Variants in SDK1 observed in about 807,000 individuals in gnomAD.
The protein encoded by SDK1 is protein sidekick-1.
In SDK1, 157 loss-of-function variants were observed where a neutral mutation model predicts 245.5. That is an observed-to-expected ratio of 0.64 (90% CI 0.56 to 0.73). The LOEUF (loss-of-function observed/expected upper bound fraction) is 0.73. Among genes scored for constraint, SDK1 ranks in the 30% least tolerant of loss-of-function variants. The pLI is 0.00. For synonymous variants in SDK1, 1,647 were observed against 1,278.5 expected (o/e 1.29, Z -6.15); for missense variants, 3,583 against 3,002.3 (o/e 1.19, Z -4.52).
chr7:4,237,563 C>T (rs1302102661), intron 41 of SDK1, 84 bp from the exon 42 acceptor site: 22 of 1,529,296 alleles, frequency 1.4e-5, no homozygotes, highest in Non-Finnish European at 1.5e-5. Flanking sequence ...CCCCAGCCTT[C>T]CCTGCCAACC....
chr7:3,463,631 GT>G (rs1780900757), intron 1 of SDK1, among the ~76,000 whole-genome samples: 2 of 152,204 alleles, frequency 1.3e-5, no homozygotes, highest in East Asian at 3.9e-4. Flanking sequence ...AAGTAGGTGA[GT>G]TTTCTGTGCC....
chr7:3,371,508 G>T (rs1285602612), intron 1 of SDK1, among the ~76,000 whole-genome samples: 1 of 152,074 alleles, frequency 6.6e-6, no homozygotes, highest in Non-Finnish European at 1.5e-5. Flanking sequence ...CCCTAAGGGG[G>T]AAAAGACTGA....
chr7:3,611,724 T>G (rs1781597921), intron 1 of SDK1, among the ~76,000 whole-genome samples: 1 of 152,126 alleles, frequency 6.6e-6, no homozygotes, highest in Non-Finnish European at 1.5e-5. Flanking sequence ...TTTTTGATTT[T>G]TGAAAAATTA....
intron 5 of SDK1, among the ~76,000 whole-genome samples, chr7:3,827,565 A>G (rs151226040): frequency 3.3e-5 from 5 of 152,380 alleles, no homozygotes; most frequent in Non-Finnish European, 5.9e-5. Flanking sequence ...TGCTGTCTAC[A>G]AAACGAGGTG....
At chr7:4,122,095 G>C (rs1477871517) in intron 25 of SDK1, among the ~76,000 whole-genome samples, 1 of 152,034 alleles carries the variant, frequency 6.6e-6, no homozygotes, top group Non-Finnish European at 1.5e-5. Flanking sequence ...CTACCACCTG[G>C]GGAATCTCAG....
intron 43 of SDK1, among the ~76,000 whole-genome samples, chr7:4,242,246 A>G (rs1181820439): frequency 6.6e-6 from 1 of 152,180 alleles, no homozygotes; most frequent in Non-Finnish European, 1.5e-5. Flanking sequence ...TTCCTAGTTC[A>G]TGGAGGTGTC....
At chr7:3,516,880 T>G (rs946376642) in intron 1 of SDK1, among the ~76,000 whole-genome samples, 1 of 152,148 alleles carries the variant, frequency 6.6e-6, no homozygotes, top group African/African-American at 2.4e-5. Flanking sequence ...TTTGGGGACA[T>G]GAAAAAGTGC....
intron 17 of SDK1, among the ~76,000 whole-genome samples, chr7:4,023,948 A>G (rs1012018600): frequency 3.9e-5 from 6 of 152,214 alleles, no homozygotes; most frequent in African/African-American, 7.2e-5. Context: ...AACTCCTTCT[A>G]TACATTTTTT....
intron 5 of SDK1, among the ~76,000 whole-genome samples, chr7:3,899,219 T>A (rs1385804064): frequency 6.6e-6 from 1 of 152,214 alleles, no homozygotes; most frequent in Admixed American, 6.5e-5. Context: ...CTTCTTAATA[T>A]ATGAGTATGT....
chr7:4,206,302 C>G (rs927445163), intron 36 of SDK1, among the ~76,000 whole-genome samples: 2 of 152,206 alleles, frequency 1.3e-5, no homozygotes, highest in African/African-American at 2.4e-5. Context: ...GCTGGGGAAC[C>G]CTTCCGTTTC....
intron 22 of SDK1, among the ~76,000 whole-genome samples, chr7:4,102,332 C>T (rs1782610296): frequency 6.6e-6 from 1 of 152,124 alleles, no homozygotes; most frequent in South Asian, 2.1e-4. Flanking sequence ...CCGTCAGAAG[C>T]AGGGGTACTC....
chr7:3,930,759 C>T (rs1779948526), intron 5 of SDK1, among the ~76,000 whole-genome samples: 1 of 152,110 alleles, frequency 6.6e-6, no homozygotes. Context: ...CACCACTTCA[C>T]TCCAGCCTGG....
chr7:3,427,418 C>G (rs1005309088), intron 1 of SDK1, among the ~76,000 whole-genome samples: 18 of 150,682 alleles, frequency 1.2e-4, no homozygotes, highest in Non-Finnish European at 1.9e-4. Flanking sequence ...ACTTGGGAGG[C>G]TGGAGCAGGA....
At chr7:3,530,216 A>G (rs1783296573) in intron 1 of SDK1, among the ~76,000 whole-genome samples, 1 of 152,198 alleles carries the variant, frequency 6.6e-6, no homozygotes, top group African/African-American at 2.4e-5. Flanking sequence ...TAAAGATACA[A>G]TAAACCATAG....
chr7:3,953,072 G>C (rs1237443669), intron 7 of SDK1, among the ~76,000 whole-genome samples: 1 of 151,346 alleles, frequency 6.6e-6, no homozygotes, highest in Non-Finnish European at 1.5e-5. Flanking sequence ...CTCCTCTTTG[G>C]GAAAAAGGGG....
At chr7:3,658,583 G>A (rs149087956) in intron 4 of SDK1, among the ~76,000 whole-genome samples, 1 of 150,372 alleles carries the variant, frequency 6.7e-6, no homozygotes, top group East Asian at 1.9e-4. Context: ...ATATTCACAC[G>A]GTAGTAGAGC....
intron 14 of SDK1, among the ~76,000 whole-genome samples, chr7:4,006,010 T>C (rs1309773252): frequency 6.6e-6 from 1 of 152,158 alleles, no homozygotes; most frequent in Non-Finnish European, 1.5e-5. Flanking sequence ...GAGGTTGCAG[T>C]GAGCCGAGAT....
intron 5 of SDK1, among the ~76,000 whole-genome samples, chr7:3,867,558 A>G (rs1354852588): frequency 6.6e-6 from 1 of 152,164 alleles, no homozygotes; most frequent in Non-Finnish European, 1.5e-5. Flanking sequence ...GCAAAGAGAG[A>G]GAGCTTGTGC....
At chr7:4,043,917 G>A (rs191654203) in intron 17 of SDK1, among the ~76,000 whole-genome samples, 2 of 151,870 alleles carry the variant, frequency 1.3e-5, no homozygotes, top group African/African-American at 2.4e-5. Context: ...ACAAATGTTG[G>A]TCTTTTCCCA....
Sources: gnomAD v4.1 joint callset for allele counts (sites outside exome capture counted in the v4.1 genomes callset) on GRCh38, gnomAD v4.1.1 for gene constraint, MANE v1.5 for transcripts, NCBI Gene and HGNC (gene_info 2026-07-23, HGNC 2026-07-21) for gene names.